The following KALRN variants were observed in gnomAD, a reference collection of about 807,000 sequenced individuals.
KALRN encodes kalirin.
In KALRN, 70 loss-of-function variants were observed where a neutral mutation model predicts 353.7. That is an observed-to-expected ratio of 0.20 (90% confidence interval 0.16 to 0.24). KALRN has a LOEUF of 0.24. Ranked by LOEUF, KALRN falls within the 10% of genes least tolerant of loss-of-function variation. The pLI is 1.00. For missense variants in KALRN, 2,791 were observed against 3,756.7 expected (o/e 0.74, Z 6.72); for synonymous variants, 1,391 against 1,434.8 (o/e 0.97, Z 0.69).
At chr3:124,499,175 A>G (rs2064221102) in intron 33 of KALRN, among the ~76,000 whole-genome samples, 1 of 152,156 alleles carries the variant, frequency 6.6e-6, no homozygotes. Flanking sequence ...TAACCATTAA[A>G]GAGCCATGAC....
intron 1 of KALRN, among the ~76,000 whole-genome samples, chr3:124,059,784 G>A (rs988600375): frequency 6.6e-6 from 1 of 152,182 alleles, no homozygotes; most frequent in African/African-American, 2.4e-5. Context: ...TTAAAGGAAT[G>A]GAGTGTGGTT....
At chr3:124,079,834 G>C (rs2060449057) in intron 1 of KALRN, among the ~76,000 whole-genome samples, 1 of 151,702 alleles carries the variant, frequency 6.6e-6, no homozygotes, top group Admixed American at 6.6e-5. Context: ...GTATTTATTT[G>C]TCTTCATGTT....
At chr3:124,410,269 A>G in intron 13 of KALRN, 1 of 533,188 alleles carries the variant, frequency 1.9e-6, no homozygotes, top group Non-Finnish European at 3.8e-6. Flanking sequence ...ATCTTCCTGC[A>G]GCAAATAGAT....
At chr3:124,525,861 C>CTGTATGTGGCTT (rs951804932) in intron 33 of KALRN, among the ~76,000 whole-genome samples, 2 of 152,008 alleles carry the variant, frequency 1.3e-5, no homozygotes, top group Non-Finnish European at 2.9e-5. Context: ...ACAGTACTCT[C>CTGTATGTGGCTT]TGTCTACCCT....
Position 124,138,906 on chromosome 3 carries a change from A to C in KALRN, c.74-89084A>C, listed in dbSNP as rs185146403. Among the ~76,000 whole-genome samples the C allele has an allele frequency of 2.0e-5, 3 of 152,124 alleles. No individual in the cohort carries two copies. The East Asian group carries it at 5.8e-4, about 29-fold the overall frequency. On this transcript the variant is annotated intron_variant, in intron 1 of 59. Transcript: ENST00000682506. ...GGCTATTAGTGTGAGGGAGCCCAAA[A>C]GTTGAGATGGTGTTCTCTGATATTG... is the stretch of plus-strand genomic sequence containing the variant.
Position 124,658,972 on chromosome 3 carries a change from C to T in KALRN, c.6124-393C>T, listed in dbSNP as rs139254202. Among the ~76,000 whole-genome samples, 337 of 152,284 alleles carry T rather than the reference C, an allele frequency of 2.2e-3. 2 individuals carry two copies. Among genetic ancestry groups the T allele is most frequent in the African/African-American group, 7.4e-3 (308 of 41,562 alleles). ...AGGCAGCATCATCACTTAGAAAAAG[C>T]ACTCAGCTGAGTGTTTGGAGATCTA... On this transcript the variant is annotated intron_variant, in intron 42 of 59. Transcript: ENST00000682506.
intron 1 of KALRN, among the ~76,000 whole-genome samples, chr3:124,139,396 G>C (rs1399636931): frequency 6.6e-6 from 1 of 152,142 alleles, no homozygotes; most frequent in East Asian, 1.9e-4. Flanking sequence ...ATCCTCTTGA[G>C]TCACACTTGG....
At chr3:124,712,850 T>C in intron 57 of KALRN, 85 bp from the exon 58 acceptor site, 1 of 900,036 alleles carries the variant, frequency 1.1e-6, no homozygotes, top group South Asian at 1.6e-5. Context: ...ATCTGACCAC[T>C]TCCCACAAAA....
intron 1 of KALRN, among the ~76,000 whole-genome samples, chr3:124,226,911 C>T (rs2078572570): frequency 6.6e-6 from 1 of 152,136 alleles, no homozygotes; most frequent in Non-Finnish European, 1.5e-5. Context: ...TACAACCGCT[C>T]GCCTTCTGAG....
chr3:124,526,074 A>T (rs1257037443), intron 33 of KALRN, among the ~76,000 whole-genome samples: 1 of 152,220 alleles, frequency 6.6e-6, no homozygotes, highest in African/African-American at 2.4e-5. Flanking sequence ...CCATGAAGCC[A>T]TCCCAGCATT....
At chr3:124,134,090 A>G (rs988200232) in intron 1 of KALRN, among the ~76,000 whole-genome samples, 9 of 152,214 alleles carry the variant, frequency 5.9e-5, no homozygotes, top group Non-Finnish European at 1.0e-4. Flanking sequence ...CTAAGCAAAA[A>G]GATTAAATCT....
At chr3:124,506,474 T>C (rs1032214346) in intron 33 of KALRN, among the ~76,000 whole-genome samples, 1 of 152,250 alleles carries the variant, frequency 6.6e-6, no homozygotes, top group Non-Finnish European at 1.5e-5. Context: ...AATTTTTTTT[T>C]CTTTAAGAAT....
intron 14 of KALRN, among the ~76,000 whole-genome samples, 153 bp from the exon 15 acceptor site, chr3:124,422,659 T>C (rs958289933): frequency 1.3e-5 from 2 of 152,210 alleles, no homozygotes; most frequent in Admixed American, 6.5e-5. Context: ...CAAGGGCGCA[T>C]TGTGGTGCCC....
At chr3:124,542,786 C>T (rs78778376) in intron 33 of KALRN, among the ~76,000 whole-genome samples, 2,103 of 152,274 alleles carry the variant, frequency 0.014, 45 homozygotes, top group East Asian at 0.1. Flanking sequence ...ACCAGAGTAA[C>T]GCTCACTCAA....
chr3:124,119,284 G>A (rs1258370124), intron 1 of KALRN, among the ~76,000 whole-genome samples: 2 of 152,210 alleles, frequency 1.3e-5, no homozygotes, highest in Non-Finnish European at 2.9e-5. Flanking sequence ...CCACTTCAGA[G>A]AAGAATTAGA....
intron 23 of KALRN, among the ~76,000 whole-genome samples, chr3:124,459,961 C>T (rs1379625191): frequency 3.9e-5 from 6 of 152,102 alleles, no homozygotes; most frequent in Non-Finnish European, 2.9e-5. Flanking sequence ...TCCCAGCTCT[C>T]GGGACTAGAA....
chr3:124,599,252 C>T (rs968612266), intron 34 of KALRN, among the ~76,000 whole-genome samples: 1 of 152,136 alleles, frequency 6.6e-6, no homozygotes, highest in African/African-American at 2.4e-5. Context: ...AGCTGGATAG[C>T]CTTATCATGC....
chr3:124,454,828 C>T (rs2059148891), intron 21 of KALRN, among the ~76,000 whole-genome samples: 1 of 152,034 alleles, frequency 6.6e-6, no homozygotes, highest in Non-Finnish European at 1.5e-5. Context: ...TTGAAGTGTT[C>T]CTGAGGATGT....
intron 10 of KALRN, among the ~76,000 whole-genome samples, chr3:124,362,682 T>C (rs540549014): frequency 1.3e-5 from 2 of 152,352 alleles, no homozygotes; most frequent in South Asian, 2.1e-4. Flanking sequence ...CAATGCCAAA[T>C]ATGGATTGAA....
Sources: allele counts gnomAD v4.1 joint callset (sites outside exome capture counted in the v4.1 genomes callset), GRCh38; gene constraint gnomAD v4.1.1; transcripts MANE v1.5; gene names NCBI Gene and HGNC (gene_info 2026-07-23, HGNC 2026-07-21).